The following MYBPC1 variants were observed in gnomAD, a reference collection of about 807,000 sequenced individuals.
MYBPC1 encodes myosin-binding protein C, slow-type.
In MYBPC1, 52 loss-of-function variants were observed where a neutral mutation model predicts 147.1. The observed-to-expected ratio is 0.35, with a 90% CI of 0.28 to 0.45. MYBPC1 has a LOEUF of 0.45. MYBPC1 is among the 20% of genes least tolerant of loss of function. MYBPC1 has a pLI of 1.00. For synonymous variants in MYBPC1, 477 were observed against 475.9 expected, an observed-to-expected ratio of 1.00 and a Z score of -0.03; for missense variants, 1,228 against 1,440.3, an observed-to-expected ratio of 0.85 and a Z score of 2.39.
rs1453790178 is a variant in MYBPC1, at chr12:101,617,234, C to A, written c.94C>A (p.Pro32Thr). 3 of 1,613,780 alleles carry A rather than the reference C, an allele frequency of 1.9e-6. No individual in the cohort carries two copies. Among genetic ancestry groups the A allele is most frequent in the Non-Finnish European group, 2.5e-6 (3 of 1,179,840 alleles). ...TAAAGAGAAGGAGGCCGGAACTACACCAGCAAAAGGTGAGTTGGAGGGAGG... is the reference window on the plus strand; with the variant it reads ...TAAAGAGAAGGAGGCCGGAACTACAACAGCAAAAGGTGAGTTGGAGGGAGG... ...PSKEKEAGTT[P>T]AKDEEEVSPP... Residue 32 changes from proline (P) to threonine (T), a missense_variant, in exon 3 of 32, where the codon CCA becomes ACA. Physicochemically the swap from Pro to Thr is conservative, Grantham distance 38. Around this residue, in one of 2 missense-constraint regions of MYBPC1, gnomAD observed 151 missense variants for 126.1 expected, o/e 1.20. Coordinates refer to ENST00000361466, the MANE Select transcript of MYBPC1 (RefSeq NM_002465.4).
At position 101,680,429 on chromosome 12, in the gene MYBPC1, G is replaced by A. The variant is rs2136877056; in HGVS notation, c.3333G>A (p.Leu1111=). The change falls in exon 29 of 32, where the codon CTG becomes CTA. Residue 1111 remains leucine (L), a synonymous_variant. Transcript: ENST00000361466. ...RMFSNQGVCT[L]EIRKPSPYDG... ...TCAGCAACCAGGGAGTCTGTACCCT[G>A]GAAATTCGCAAGCCCAGCCCCTATG... 1 of 1,614,090 alleles carries A rather than the reference G, an allele frequency of 6.2e-7. No homozygotes were observed. The highest frequency in any genetic ancestry group is 8.5e-7 in the Non-Finnish European group (1 of 1,179,994).
intron 18 of MYBPC1, among the ~76,000 whole-genome samples, chr12:101,658,513 C>T (rs1895992779): frequency 1.3e-5 from 2 of 151,998 alleles, no homozygotes; most frequent in South Asian, 2.1e-4. Flanking sequence ...GTCACCACTG[C>T]TTTTTAACAT....
At chr12:101,689,597 A>C (rs1179142666), downstream of MYBPC1, among the ~76,000 whole-genome samples, 1 of 152,174 alleles carries the variant, frequency 6.6e-6, no homozygotes, top group Admixed American at 6.5e-5. Context: ...AAGGAAGGAA[A>C]GGGGAGGGAA....
chr12:101,686,319 A>G (rs1206073188), downstream of MYBPC1, among the ~76,000 whole-genome samples: 2 of 152,236 alleles, frequency 1.3e-5, no homozygotes, highest in Non-Finnish European at 2.9e-5. Context: ...GGGAGCCAGC[A>G]TGCCCCTGAA....
intron 22 of MYBPC1, among the ~76,000 whole-genome samples, chr12:101,665,901 T>C (rs1342252786): frequency 1.3e-5 from 2 of 152,236 alleles, no homozygotes; most frequent in East Asian, 3.8e-4. Context: ...ATTTTTATTC[T>C]CCACATGCCT....
At chr12:101,671,308 TATACAC>T in intron 24 of MYBPC1, among the ~76,000 whole-genome samples, 1 of 93,072 alleles carries the variant, frequency 1.1e-5, no homozygotes, top group African/African-American at 4.3e-5. Context: ...TTGACACTCA[TATACAC>T]ACACACACAC....
intron 23 of MYBPC1, chr12:101,669,975 T>C (rs1435577620): frequency 1.0e-5 from 4 of 392,068 alleles, no homozygotes; most frequent in East Asian, 1.4e-4. Flanking sequence ...GTATGCATAG[T>C]ATGTATAAGG....
chr12:101,610,844 T>C (rs1258227636), intron 1 of MYBPC1, among the ~76,000 whole-genome samples: 1 of 152,150 alleles, frequency 6.6e-6, no homozygotes, highest in Non-Finnish European at 1.5e-5. Context: ...GGAAAGGAAG[T>C]GCAGGCCCGG....
At chr12:101,692,836 A>G in the MYBPC1 span, among the ~76,000 whole-genome samples, 1 of 152,180 alleles carries the variant, frequency 6.6e-6, no homozygotes, top group African/African-American at 2.4e-5. Context: ...TGGCTTTAGT[A>G]TGTCTTGAAT....
At position 101,685,780 on chromosome 12, in the gene MYBPC1, T is replaced by A; in HGVS notation, c.*218T>A. 1 of 817,162 alleles carries A rather than the reference T, an allele frequency of 1.2e-6. No individual in the cohort carries two copies. The highest frequency in any genetic ancestry group is 1.8e-6 in the Non-Finnish European group (1 of 552,280). The allele number at this position is 817,162 out of a possible 1,614,324, so 50.6% of individuals were successfully genotyped here. A position where few individuals can be genotyped will look rare whatever the true frequency, so the allele number is the denominator to read the frequency against. On this transcript the variant is annotated 3_prime_UTR_variant, in exon 32 of 32. Coordinates refer to ENST00000361466, the MANE Select transcript of MYBPC1 (RefSeq NM_002465.4). ...TGTTTTCCCACCAGGCCCCCAAGTG[T>A]GGTCTTTTTCTTTCCTCCTAATGTT...
Position 101,624,683 on chromosome 12 carries a change from ATTTT to A in MYBPC1, c.104-2166_104-2163del, listed in dbSNP as rs57175970. Among the ~76,000 whole-genome samples the A allele has an allele frequency of 1.7e-4, 17 of 99,100 alleles. 1 individual carries two copies. The highest frequency in any genetic ancestry group is 3.8e-4 in the South Asian group (1 of 2,656). 65.0% of individuals were successfully genotyped at this position (99,100 alleles called of 152,430 possible). A position where few individuals can be genotyped will look rare whatever the true frequency, so the allele number is the denominator to read the frequency against. ...AATAATATACAAGCCCGGCTAATTAATTTTTTTTTTTTTTTTTTTTTTTTTTACG... is the reference window on the plus strand; with the variant it reads ...AATAATATACAAGCCCGGCTAATTAATTTTTTTTTTTTTTTTTTTTTTACG... On this transcript the variant is annotated intron_variant, in intron 3 of 31. Transcript: ENST00000361466.
intron 13 of MYBPC1, 115 bp downstream of exon 13, chr12:101,647,002 C>T (rs1893300761): frequency 7.5e-7 from 1 of 1,340,084 alleles, no homozygotes. Context: ...ATTATGGATC[C>T]TAATGAGTCT....
intron 3 of MYBPC1, among the ~76,000 whole-genome samples, chr12:101,625,595 T>C (rs924599844): frequency 1.1e-4 from 17 of 152,230 alleles, no homozygotes; most frequent in African/African-American, 4.1e-4. Context: ...GTTGGTCTCC[T>C]GACTAGGTTG....
intron 8 of MYBPC1, 57 bp from the exon 9 acceptor site, chr12:101,634,497 G>T: frequency 7.1e-7 from 1 of 1,402,048 alleles, no homozygotes; most frequent in South Asian, 1.2e-5. Flanking sequence ...TAAAGGAACT[G>T]AACACAAACT....
At position 101,627,018 on chromosome 12, in the gene MYBPC1, G is replaced by C. The variant is rs527878934; in HGVS notation, c.142+108G>C. The C allele has an allele frequency of 8.3e-5, 88 of 1,060,068 alleles. No homozygotes were observed. In the African/African-American group the frequency reaches 8.5e-4, roughly 10 times the overall value. 65.7% of individuals were successfully genotyped at this position (1,060,068 alleles called of 1,614,324 possible). A position where few individuals can be genotyped will look rare whatever the true frequency, so the allele number is the denominator to read the frequency against. On this transcript the variant is annotated intron_variant, in intron 4 of 31. Transcript: ENST00000361466. ...CTTGCTGAGTCAGTGCACAGAGCAG[G>C]GGCAACAGTTTTCGCCTGTGCTGGC...
At chr12:101,684,528 AG>A in intron 31 of MYBPC1, 104 bp downstream of exon 31, 1 of 886,840 alleles carries the variant, frequency 1.1e-6, no homozygotes. Flanking sequence ...CAATGAAAAT[AG>A]ACTTATTTTA....
At chr12:101,649,224 T>C in intron 14 of MYBPC1, 36 bp from the exon 15 acceptor site, 2 of 1,593,268 alleles carry the variant, frequency 1.3e-6, no homozygotes, top group Non-Finnish European at 1.7e-6. Context: ...CTGAAGGATC[T>C]TTTACAAACC....
chr12:101,653,320 C>T (rs1721696460), intron 18 of MYBPC1, 72 bp downstream of exon 18: 4 of 1,567,732 alleles, frequency 2.6e-6, no homozygotes, highest in Admixed American at 1.7e-5. Flanking sequence ...CCACCCCTTG[C>T]CCTCCATTAT....
chr12:101,677,283 A>G lies in MYBPC1; in HGVS notation c.2998A>G (p.Thr1000Ala). 6.2e-7 allele frequency: 1 copy of G among 1,613,772 alleles called. No individual in the cohort carries two copies. Among genetic ancestry groups the G allele is most frequent in the Non-Finnish European group, 8.5e-7 (1 of 1,179,748 alleles). The change falls in exon 27 of 32, where the codon ACT becomes GCT. Residue 1000 changes from threonine (T) to alanine (A), a missense_variant. Around this residue, in one of 2 missense-constraint regions of MYBPC1, gnomAD observed 1,077 missense variants for 1,314.2 expected, o/e 0.82. Coordinates refer to ENST00000361466, the MANE Select transcript of MYBPC1 (RefSeq NM_002465.4). ...EHYHRTSATI[T>A]ELVIGNEYYF... ...TTATCATCGAACCAGTGCCACCATT[A>G]CTGAATTGGTCATAGGGAATGAATA... is the stretch of plus-strand genomic sequence containing the variant.
Sources: allele counts gnomAD v4.1 joint callset (sites outside exome capture counted in the v4.1 genomes callset), GRCh38; gene constraint gnomAD v4.1.1; regional missense constraint gnomAD v4.1.1; transcripts MANE v1.5; gene names NCBI Gene and HGNC (gene_info 2026-07-23, HGNC 2026-07-21).